The following ANKRD12 variants were observed in gnomAD, a reference collection of about 807,000 sequenced individuals.
ANKRD12 encodes the protein ankyrin repeat domain 12.
Under a neutral mutation model 183.4 loss-of-function variants are expected in ANKRD12, and 85 were observed. That is an observed-to-expected ratio of 0.46 (90% CI 0.39 to 0.56). ANKRD12 has a LOEUF of 0.56. Among genes scored for constraint, ANKRD12 ranks in the 20% least tolerant of loss-of-function variants. The pLI is 0.00. For synonymous variants in ANKRD12, 914 were observed against 800.2 expected (o/e 1.14, Z -2.40); for missense variants, 2,405 against 2,357.1 (o/e 1.02, Z -0.42).
intron 6 of ANKRD12, among the ~76,000 whole-genome samples, chr18:9,215,052 G>A (rs1003275619): frequency 1.3e-5 from 2 of 152,066 alleles, no homozygotes; most frequent in Non-Finnish European, 2.9e-5. Context: ...AAGATAACAG[G>A]AGAAGTGGCT....
At chr18:9,218,490 T>C (rs938344216) in intron 7 of ANKRD12, among the ~76,000 whole-genome samples, 1 of 152,160 alleles carries the variant, frequency 6.6e-6, no homozygotes, top group Non-Finnish European at 1.5e-5. Flanking sequence ...CTTTCAGTAA[T>C]AGTCATGACA....
chr18:9,260,863 G>A (rs1412371831), intron 9 of ANKRD12, among the ~76,000 whole-genome samples: 1 of 151,872 alleles, frequency 6.6e-6, no homozygotes, highest in Non-Finnish European at 1.5e-5. Flanking sequence ...CTTCTTTTTT[G>A]TAACTGCATA....
chr18:9,168,125 A>T (rs1461970690), intron 1 of ANKRD12, among the ~76,000 whole-genome samples: 1 of 152,188 alleles, frequency 6.6e-6, no homozygotes, highest in Admixed American at 6.5e-5. Flanking sequence ...TTTGCCAGTA[A>T]TTTATCGAGG....
At chr18:9,148,315 T>C (rs1431015833) in intron 1 of ANKRD12, among the ~76,000 whole-genome samples, 2 of 151,034 alleles carry the variant, frequency 1.3e-5, no homozygotes, top group African/African-American at 4.9e-5. Context: ...GGGAAAAATA[T>C]ATATATATAC....
Position 9,279,618 on chromosome 18 carries a change from G to A in ANKRD12, c.5977G>A (p.Val1993Met). Reference sequence around the variant, plus strand: ...ACAATTCATGTCTTGGTTACAAGATGTGGATGATAAATTTGACAAATTAAA... The same window carrying A: ...ACAATTCATGTCTTGGTTACAAGATATGGATGATAAATTTGACAAATTAAA... ...ARQFMSWLQD[V>M]DDKFDKLKTC... Residue 1993 changes from valine to methionine, a missense_variant, in exon 12 of 13, where the codon GTG (valine) becomes ATG (methionine). Val to Met is a conservative substitution (Grantham distance 21, BLOSUM62 1). Transcript: ENST00000262126. The A allele has an allele frequency of 1.2e-6, 2 of 1,605,726 alleles. No individual in the cohort carries two copies. The highest frequency in any genetic ancestry group is 2.2e-5 in the East Asian group (1 of 44,596).
rs200122107 is a variant in ANKRD12, at chr18:9,257,804, T to C, written c.4537T>C (p.Tyr1513His). Residue 1513 changes from tyrosine (Y) to histidine (H), a missense_variant, in exon 9 of 13, where the codon TAT becomes CAT. By Grantham distance (83) the Tyr-to-His change is moderately conservative. This residue lies in a region of ANKRD12 where 1,983 missense variants were observed against 1,725.9 expected (regional missense o/e 1.15). Transcript: ENST00000262126. ...GATTTCTAAACATATGTCTTTGTCA[T>C]ATGTTGCTAATCAAGAGCCAGGTAT... ...ESISKHMSLS[Y>H]VANQEPGILQ... 624 of 1,613,784 alleles carry C rather than the reference T, an allele frequency of 3.9e-4. No individual in the cohort carries two copies. Among genetic ancestry groups the C allele is most frequent in the Non-Finnish European group, 5.0e-4 (594 of 1,179,970 alleles).
At chr18:9,189,735 G>T (rs901730669) in intron 2 of ANKRD12, among the ~76,000 whole-genome samples, 2 of 152,140 alleles carry the variant, frequency 1.3e-5, no homozygotes, top group Non-Finnish European at 2.9e-5. Context: ...TCACAGCATG[G>T]TTTCCTGAAT....
chr18:9,232,158 C>A (rs1019386529), intron 8 of ANKRD12, among the ~76,000 whole-genome samples: 1 of 152,156 alleles, frequency 6.6e-6, no homozygotes. Context: ...TGCTGATTTT[C>A]TGTGGTACTA....
In ANKRD12 at chr18:9,275,657, T is replaced by C; in HGVS notation, c.5897T>C (p.Leu1966Ser). The change falls in exon 11 of 13, where the codon TTG becomes TCG. Residue 1966 changes from leucine (L) to serine (S), a missense_variant. Leu to Ser is a moderately radical substitution (Grantham distance 145, BLOSUM62 -2). Transcript: ENST00000262126. ...GATGCCGAAGTATACAATGTACCATTGGACTCTCAGGTAAAATGTTTGTTG... is the reference window on the plus strand; with the variant it reads ...GATGCCGAAGTATACAATGTACCATCGGACTCTCAGGTAAAATGTTTGTTG... Reference protein sequence around the residue: ...LLDAEVYNVPLDSQSDDSKTS... With the variant: ...LLDAEVYNVPSDSQSDDSKTS... The C allele has an allele frequency of 1.3e-6, 2 of 1,572,904 alleles. No homozygotes were observed. The highest frequency in any genetic ancestry group is 1.7e-6 in the Non-Finnish European group (2 of 1,151,974).
chr18:9,183,235 C>T (rs1461505081), intron 2 of ANKRD12, among the ~76,000 whole-genome samples: 2 of 152,160 alleles, frequency 1.3e-5, no homozygotes, highest in Admixed American at 6.5e-5. Context: ...TTCATGATTT[C>T]ATATAAATTT....
intron 8 of ANKRD12, among the ~76,000 whole-genome samples, chr18:9,242,796 G>A (rs1280406127): frequency 2.0e-5 from 3 of 152,082 alleles, no homozygotes; most frequent in Non-Finnish European, 4.4e-5. Context: ...GATATTTTCA[G>A]CTATTGATTA....
At chr18:9,206,127 A>T (rs1300169484) in intron 4 of ANKRD12, among the ~76,000 whole-genome samples, 1 of 152,068 alleles carries the variant, frequency 6.6e-6, no homozygotes, top group Non-Finnish European at 1.5e-5. Context: ...GTTTGCTTTG[A>T]ATAGTCTTTA....
At chr18:9,277,301 G>T (rs1020679308) in intron 11 of ANKRD12, among the ~76,000 whole-genome samples, 1 of 147,306 alleles carries the variant, frequency 6.8e-6, no homozygotes, top group Admixed American at 6.7e-5. Flanking sequence ...CAGCCTGGAT[G>T]ACAGAGTGAC....
intron 1 of ANKRD12, among the ~76,000 whole-genome samples, chr18:9,151,682 T>G (rs954538530): frequency 1.3e-5 from 2 of 152,220 alleles, no homozygotes; most frequent in Non-Finnish European, 1.5e-5. Context: ...CAAATCAATT[T>G]CGAAGAAAGC....
intron 7 of ANKRD12, among the ~76,000 whole-genome samples, chr18:9,217,484 A>G (rs8089577): frequency 0.11 from 16,824 of 152,278 alleles, 1,085 homozygotes; most frequent in African/African-American, 0.16. Flanking sequence ...TATCAGGGGT[A>G]AAAGATTAAA....
intron 1 of ANKRD12, among the ~76,000 whole-genome samples, chr18:9,150,018 A>G (rs1217433336): frequency 6.6e-6 from 1 of 151,900 alleles, no homozygotes; most frequent in African/African-American, 2.4e-5. Context: ...GCTGGTCTCG[A>G]CCTCCTGACC....
chr18:9,281,735 C>T lies in ANKRD12; in HGVS notation c.*609C>T, dbSNP rs1410148225. The T allele has an allele frequency of 3.3e-5, 5 of 152,674 alleles. No homozygotes were observed. The South Asian group carries it at 8.3e-4, about 25-fold the overall frequency. 9.5% of individuals were successfully genotyped at this position (152,674 alleles called of 1,614,324 possible). A position where few individuals can be genotyped will look rare whatever the true frequency, so the allele number is the denominator to read the frequency against. Reference sequence around the variant, plus strand: ...AGTCAAAACATGTACAAAGAAATACCTGTAAAACTGTTTTGTCTCATGTTT... The same window carrying T: ...AGTCAAAACATGTACAAAGAAATACTTGTAAAACTGTTTTGTCTCATGTTT... On this transcript the variant is annotated 3_prime_UTR_variant, in exon 13 of 13. Coordinates refer to ENST00000262126, the MANE Select transcript of ANKRD12 (RefSeq NM_015208.5).
At chr18:9,248,701 T>A (rs2038108930) in intron 8 of ANKRD12, among the ~76,000 whole-genome samples, 1 of 152,200 alleles carries the variant, frequency 6.6e-6, no homozygotes, top group Admixed American at 6.5e-5. Context: ...GTTCAACAGC[T>A]GAGAAAACCA....
intron 1 of ANKRD12, among the ~76,000 whole-genome samples, chr18:9,175,080 G>C (rs1273355315): frequency 1.3e-5 from 2 of 152,022 alleles, no homozygotes; most frequent in African/African-American, 4.8e-5. Flanking sequence ...TAAGCCTCCA[G>C]AGTAGCTGGG....
Sources: allele counts gnomAD v4.1 joint callset (sites outside exome capture counted in the v4.1 genomes callset), GRCh38; gene constraint gnomAD v4.1.1; regional missense constraint gnomAD v4.1.1; transcripts MANE v1.5; gene names NCBI Gene and HGNC (gene_info 2026-07-23, HGNC 2026-07-21).